The following TRIP11 variants were observed in gnomAD, a reference collection of about 807,000 sequenced individuals.
TRIP11 encodes thyroid receptor-interacting protein 11.
In TRIP11, 148 loss-of-function variants were observed where a neutral mutation model predicts 223.1. The observed-to-expected ratio is 0.66, with a 90% CI of 0.58 to 0.76. The LOEUF is 0.76. TRIP11 is among the 30% of genes least tolerant of loss of function. TRIP11 has a pLI of 0.00. For synonymous variants in TRIP11, 762 were observed against 772.6 expected (o/e 0.99, Z 0.23); for missense variants, 2,043 against 2,222.0 (o/e 0.92, Z 1.62).
At chr14:92,003,017 A>AC (rs2056847419) in intron 11 of TRIP11, among the ~76,000 whole-genome samples, 1 of 152,214 alleles carries the variant, frequency 6.6e-6, no homozygotes, top group Non-Finnish European at 1.5e-5. Flanking sequence ...TTCTTACTGC[A>AC]GATGGTTAAA....
chr14:92,031,417 AT>A (rs1458683846), intron 2 of TRIP11, among the ~76,000 whole-genome samples: 1 of 152,096 alleles, frequency 6.6e-6, no homozygotes, highest in African/African-American at 2.4e-5. Flanking sequence ...TTACAAAAAA[AT>A]CTTTAAAAAT....
In TRIP11 at chr14:92,000,069, T is replaced by A. The variant is rs374352137; in HGVS notation, c.4597A>T (p.Lys1533Ter). The A allele has an allele frequency of 6.2e-7, 1 of 1,614,066 alleles. No individual in the cohort carries two copies. Among genetic ancestry groups the A allele is most frequent in the South Asian group, 1.1e-5 (1 of 91,084 alleles). ...GELNQLLNAV[K>*]SMQEKTVVFQ... ...ACAACTGTCTTCTCCTGCATTGATT[T>A]AACTGCATTTAAAAGCTGATTTAAC... The change falls in exon 12 of 21, where the codon AAA becomes TAA. Residue 1533 changes from lysine to a stop codon, truncating the protein, a stop_gained. Coordinates refer to ENST00000267622, the MANE Select transcript of TRIP11 (RefSeq NM_004239.4). LOFTEE classifies it high-confidence loss of function.
At chr14:92,034,160 C>G (rs1759906315) in intron 1 of TRIP11, among the ~76,000 whole-genome samples, 1 of 151,984 alleles carries the variant, frequency 6.6e-6, no homozygotes, top group Admixed American at 6.6e-5. Flanking sequence ...CGGTGGCTCA[C>G]CGCCTGTAAT....
intron 2 of TRIP11, among the ~76,000 whole-genome samples, chr14:92,027,436 TA>T (rs1382291160): frequency 6.6e-6 from 1 of 152,154 alleles, no homozygotes; most frequent in Non-Finnish European, 1.5e-5. Context: ...AGGCCAAAAA[TA>T]AAAGGTTTCT....
At position 91,968,325 on chromosome 14, in the gene TRIP11, A is replaced by G. The variant is rs2140075570; in HGVS notation, c.*1348T>C. The G allele has an allele frequency of 1.5e-5, 3 of 204,712 alleles. No homozygotes were observed. In the East Asian group the frequency reaches 2.3e-4, roughly 15 times the overall value. 12.7% of individuals were successfully genotyped at this position (204,712 alleles called of 1,614,324 possible). The stretch of plus-strand genomic sequence containing the variant: ...GAACATCCAGATACAGTTAAGTTTC[A>G]AGTCGGGATTTTTTTTTTATGATGG... On this transcript the variant is annotated 3_prime_UTR_variant, in exon 21 of 21. Transcript: ENST00000267622.
intron 9 of TRIP11, among the ~76,000 whole-genome samples, chr14:92,010,497 T>TA (rs553386645): frequency 8.7e-4 from 132 of 151,974 alleles, no homozygotes; most frequent in African/African-American, 3.0e-3. Context: ...GCCACTGCAC[T>TA]ACAGCCTGGG....
chr14:92,007,656 T>C lies in TRIP11; in HGVS notation c.1511A>G (p.Asn504Ser). Residue 504 changes from asparagine to serine, a missense_variant, in exon 10 of 21, where the codon AAT (asparagine) becomes AGT (serine). Transcript: ENST00000267622. ...CAGTGTTACCTTTGTAGCTTCTTGA[T>C]TCTGTCTGTCCAATTCTTCTATCTC... ...IAEIEELDRQ[N>S]QEATKHMILI... 6.2e-7 allele frequency: 1 copy of C among 1,613,546 alleles called. No individual in the cohort carries two copies. Among genetic ancestry groups the C allele is most frequent in the South Asian group, 1.1e-5 (1 of 91,084 alleles).
At chr14:92,009,749 T>C (rs1435236162) in intron 9 of TRIP11, among the ~76,000 whole-genome samples, 1 of 152,132 alleles carries the variant, frequency 6.6e-6, no homozygotes, top group Admixed American at 6.5e-5. Flanking sequence ...TATACTAATG[T>C]GGAAAGATGT....
At position 92,006,042 on chromosome 14, in the gene TRIP11, TTAAG is replaced by T. The variant is rs770864205; in HGVS notation, c.1930_1933del (p.Leu644LysfsTer10). On this transcript the variant is annotated frameshift_variant, in exon 11 of 21. Coordinates refer to ENST00000267622, the MANE Select transcript of TRIP11 (RefSeq NM_004239.4). LOFTEE classifies it high-confidence loss of function. ...GTTTCTAACTTCAGCTTCTCTTTCTTTAAGTAAGGTATCCTTAAAATTACTATTA... is the reference window on the plus strand; with the variant it reads ...GTTTCTAACTTCAGCTTCTCTTTCTTTAAGGTATCCTTAAAATTACTATTA... 4.9e-5 allele frequency: 78 copies of T among 1,583,088 alleles called. No individual in the cohort carries two copies. The highest frequency in any genetic ancestry group is 6.2e-5 in the Non-Finnish European group (73 of 1,169,556).
At chr14:91,974,775 AT>A (rs770026203) in intron 18 of TRIP11, 32 bp from the exon 19 acceptor site, 3 of 1,496,236 alleles carry the variant, frequency 2.0e-6, no homozygotes, top group Admixed American at 1.8e-5. Flanking sequence ...GACAAATATT[AT>A]CAGTACAAGA....
At chr14:92,027,106 C>T (rs2057199351) in intron 2 of TRIP11, among the ~76,000 whole-genome samples, 1 of 151,782 alleles carries the variant, frequency 6.6e-6, no homozygotes, top group African/African-American at 2.4e-5. Context: ...CTTCCAAGGC[C>T]CTGCTTTTTT....
At position 91,999,295 on chromosome 14, in the gene TRIP11, C is replaced by G. The variant is rs1437951418; in HGVS notation, c.4837G>C (p.Val1613Leu). ...ACTAGCTTTTCCTCCAATACTGTGA[C>G]TTTCTTTCTTAGTTTAGCCTCTCTA... Reference protein sequence around the residue: ...EDREAKLRKKVTVLEEKLVSS... With the variant: ...EDREAKLRKKLTVLEEKLVSS... Residue 1613 changes from valine (V) to leucine (L), a missense_variant, in exon 13 of 21, where the codon GTC becomes CTC. Val to Leu is a conservative substitution (Grantham distance 32, BLOSUM62 1). Coordinates refer to ENST00000267622, the MANE Select transcript of TRIP11 (RefSeq NM_004239.4). 1 of 1,613,752 alleles carries G rather than the reference C, an allele frequency of 6.2e-7. No individual in the cohort carries two copies. Among genetic ancestry groups the G allele is most frequent in the East Asian group, 2.2e-5 (1 of 44,848 alleles).
At position 92,026,518 on chromosome 14, in the gene TRIP11, C is replaced by T. The variant is rs1274252869; in HGVS notation, c.202-1098G>A. 4.5e-6 allele frequency: 5 copies of T among 1,106,958 alleles called. No homozygotes were observed. The African/African-American group carries it at 7.7e-5, about 17-fold the overall frequency. The allele number at this position is 1,106,958 out of a possible 1,614,324, so 68.6% of individuals were successfully genotyped here. A position where few individuals can be genotyped will look rare whatever the true frequency, so the allele number is the denominator to read the frequency against. ...GCTTTATCGCCAGAGTCCCTGAACT[C>T]TCGCTTTCTTTTTAATCCCCTGCAT... is the stretch of plus-strand genomic sequence containing the variant. On this transcript the variant is annotated intron_variant, in intron 2 of 20. Coordinates refer to ENST00000267622, the MANE Select transcript of TRIP11 (RefSeq NM_004239.4).
At position 92,014,523 on chromosome 14, in the gene TRIP11, G is replaced by GT. The variant is rs1425769432; in HGVS notation, c.877dup (p.Thr293AsnfsTer20). On this transcript the variant is annotated frameshift_variant, in exon 7 of 21. Transcript: ENST00000267622. LOFTEE classifies it high-confidence loss of function. Reference sequence around the variant, plus strand: ...TTTTTCTATTTGTAGAACTTGAATAGTTTTTTGCATCTCATAGATTTTAGA... The same window carrying GT: ...TTTTTCTATTTGTAGAACTTGAATAGTTTTTTTGCATCTCATAGATTTTAGA... 8.1e-6 allele frequency: 13 copies of GT among 1,599,714 alleles called. No individual in the cohort carries two copies. The highest frequency in any genetic ancestry group is 1.4e-5 in the African/African-American group (1 of 73,976).
At chr14:92,016,809 C>A (rs2057040531) in intron 5 of TRIP11, among the ~76,000 whole-genome samples, 1 of 152,054 alleles carries the variant, frequency 6.6e-6, no homozygotes, top group South Asian at 2.1e-4. Context: ...ATAATACAGC[C>A]AGGATTCAAA....
Position 91,990,990 on chromosome 14 carries a change from C to CT in TRIP11, c.5161-2608dup, listed in dbSNP as rs2056664921. Among the ~76,000 whole-genome samples, 3 of 152,316 alleles carry CT rather than the reference C, an allele frequency of 2.0e-5. No individual in the cohort carries two copies. In the South Asian group the frequency reaches 6.2e-4, roughly 32 times the overall value. On this transcript the variant is annotated intron_variant, in intron 15 of 20. Coordinates refer to ENST00000267622, the MANE Select transcript of TRIP11 (RefSeq NM_004239.4). ...ACATATTAAAAGATGCTTGACCTCA[C>CT]TGGTAATTAGGGAAGTGCAAATTAA...
At chr14:91,984,843 T>C (rs2056585828) in intron 16 of TRIP11, among the ~76,000 whole-genome samples, 1 of 152,210 alleles carries the variant, frequency 6.6e-6, no homozygotes, top group Non-Finnish European at 1.5e-5. Context: ...GCCACTCTAC[T>C]GAGTTTGGAT....
At position 92,014,341 on chromosome 14, in the gene TRIP11, T is replaced by C; in HGVS notation, c.1060A>G (p.Lys354Glu). The change falls in exon 7 of 21, where the codon AAA becomes GAA. Residue 354 changes from lysine to glutamate, a missense_variant. Coordinates refer to ENST00000267622, the MANE Select transcript of TRIP11 (RefSeq NM_004239.4). Reference protein sequence around the residue: ...RQIMEECENLKLECSKLQPSA... With the variant: ...RQIMEECENLELECSKLQPSA... ...GGCTGCAATTTACTACATTCCAATT[T>C]CAAGTTTTCACATTCTTCCATTATT... 1 of 1,614,090 alleles carries C rather than the reference T, an allele frequency of 6.2e-7. No individual in the cohort carries two copies. Among genetic ancestry groups the C allele is most frequent in the Non-Finnish European group, 8.5e-7 (1 of 1,180,000 alleles).
At position 92,039,722 on chromosome 14, in the gene TRIP11, A is replaced by G; in HGVS notation, c.-37T>C. 1 of 1,600,448 alleles carries G rather than the reference A, an allele frequency of 6.2e-7. No homozygotes were observed. Among genetic ancestry groups the G allele is most frequent in the Non-Finnish European group, 8.5e-7 (1 of 1,173,442 alleles). On this transcript the variant is annotated 5_prime_UTR_variant, in exon 1 of 21. Transcript: ENST00000267622. The stretch of plus-strand genomic sequence containing the variant: ...TAGAGAACGACCCGGTCCGCTCGGA[A>G]AAAAGAAAACGTTTAGCGCCGCCGG...
Sources: allele counts gnomAD v4.1 joint callset (sites outside exome capture counted in the v4.1 genomes callset), GRCh38; gene constraint gnomAD v4.1.1; transcripts MANE v1.5; gene names NCBI Gene and HGNC (gene_info 2026-07-23, HGNC 2026-07-21).